SPIDR: variants seen among roughly 807,000 people sequenced by gnomAD.
SPIDR encodes DNA repair-scaffolding protein.
A neutral mutation model predicts 104.6 loss-of-function variants in SPIDR; 93 were observed. The ratio of observed to expected loss-of-function variants is 0.89; its 90% CI spans 0.75 to 1.06. The LOEUF (loss-of-function observed/expected upper bound fraction) is 1.06. Among genes scored for constraint, SPIDR ranks in the 50% least tolerant of loss-of-function variants. SPIDR has a pLI of 0.00. For synonymous variants in SPIDR, 431 were observed against 416.9 expected, an observed-to-expected ratio of 1.03 and a Z score of -0.41; for missense variants, 1,154 against 1,111.2, an observed-to-expected ratio of 1.04 and a Z score of -0.55.
intron 8 of SPIDR, among the ~76,000 whole-genome samples, chr8:47,579,209 G>A (rs1373838981): frequency 1.3e-5 from 2 of 152,166 alleles, no homozygotes; most frequent in African/African-American, 2.4e-5. Context: ...CTGGTGTACT[G>A]ATGCAGGTGT....
chr8:47,291,126 A>T lies in SPIDR; in HGVS notation c.350A>T (p.Gln117Leu). ...TCGGATGAAGATAAGACACTTTCTCAGTTACAGAGAGGTAATGGACATTGC... is the reference window on the plus strand; with the variant it reads ...TCGGATGAAGATAAGACACTTTCTCTGTTACAGAGAGGTAATGGACATTGC... ...DLSDEDKTLS[Q>L]LQRDELQFID... Residue 117 changes from glutamine to leucine, a missense_variant, in exon 4 of 20, where the codon CAG (glutamine) becomes CTG (leucine). Gln to Leu is a moderately radical substitution (Grantham distance 113). Coordinates refer to ENST00000297423, the MANE Select transcript of SPIDR (RefSeq NM_001080394.4). 1 of 1,611,340 alleles carries T rather than the reference A, an allele frequency of 6.2e-7. No individual in the cohort carries two copies. Among genetic ancestry groups the T allele is most frequent in the Non-Finnish European group, 8.5e-7 (1 of 1,178,028 alleles).
chr8:47,551,317 A>G (rs1016881978), intron 8 of SPIDR, among the ~76,000 whole-genome samples: 4 of 152,034 alleles, frequency 2.6e-5, no homozygotes, highest in South Asian at 2.1e-4. Context: ...CTCTTTTTCT[A>G]TTGATGTGAA....
chr8:47,293,804 A>G, intron 4 of SPIDR, 63 bp from the exon 5 acceptor site: 1 of 1,484,694 alleles, frequency 6.7e-7, no homozygotes, highest in Non-Finnish European at 9.2e-7. Flanking sequence ...GCTAAGAATA[A>G]AAGAGATATA....
intron 19 of SPIDR, among the ~76,000 whole-genome samples, chr8:47,733,566 C>T (rs2085634918): frequency 2.0e-5 from 3 of 152,074 alleles, no homozygotes; most frequent in Non-Finnish European, 4.4e-5. Context: ...AACTGAAACT[C>T]TAAGACACCA....
intron 7 of SPIDR, among the ~76,000 whole-genome samples, chr8:47,436,587 A>G (rs978831094): frequency 6.6e-6 from 1 of 152,102 alleles, no homozygotes; most frequent in African/African-American, 2.4e-5. Flanking sequence ...GCTGGATGTT[A>G]TGGTGGTGCG....
At chr8:47,601,421 C>T (rs1293056749) in intron 10 of SPIDR, among the ~76,000 whole-genome samples, 1 of 152,134 alleles carries the variant, frequency 6.6e-6, no homozygotes, top group Non-Finnish European at 1.5e-5. Flanking sequence ...AGAGGCTAGG[C>T]GCGGTGGCTC....
rs2032001269 is a variant in SPIDR, at chr8:47,261,025, T to A, written c.33+34T>A. The A allele has an allele frequency of 3.3e-5, 41 of 1,225,684 alleles. No individual in the cohort carries two copies. In the East Asian group the frequency reaches 1.3e-3, roughly 39 times the overall value. 75.9% of individuals were successfully genotyped at this position (1,225,684 alleles called of 1,614,324 possible). A position where few individuals can be genotyped will look rare whatever the true frequency, so the allele number is the denominator to read the frequency against. On this transcript the variant is annotated intron_variant, in intron 1 of 19. Transcript: ENST00000297423. ...TGGGGCGGGAGTGGGCGCCGCGCCG[T>A]TTCCCGCGTTGCGGGGAAGCGGCGG...
At chr8:47,572,868 G>C (rs912075216) in intron 8 of SPIDR, among the ~76,000 whole-genome samples, 13 of 152,022 alleles carry the variant, frequency 8.6e-5, no homozygotes, top group African/African-American at 3.1e-4. Flanking sequence ...CATGGACCAG[G>C]GGCAGTGCCG....
intron 8 of SPIDR, among the ~76,000 whole-genome samples, chr8:47,487,166 C>A (rs1404024397): frequency 1.7e-5 from 2 of 117,600 alleles, no homozygotes; most frequent in Admixed American, 9.9e-5. Flanking sequence ...ATCTACCAAG[C>A]AAATGGAAAA....
intron 8 of SPIDR, among the ~76,000 whole-genome samples, chr8:47,447,223 T>C (rs1052085360): frequency 6.6e-6 from 1 of 152,204 alleles, no homozygotes; most frequent in Non-Finnish European, 1.5e-5. Flanking sequence ...TGTTTTGTTT[T>C]GTTTTTTTGA....
intron 1 of SPIDR, 145 bp downstream of exon 1, chr8:47,261,136 G>A (rs1261049325): frequency 6.9e-6 from 7 of 1,007,252 alleles, no homozygotes. Context: ...GGTCCCGTCT[G>A]CGCGCGTGGA....
chr8:47,624,933 A>G (rs1248460859), intron 10 of SPIDR, among the ~76,000 whole-genome samples: 2 of 152,164 alleles, frequency 1.3e-5, no homozygotes, highest in Non-Finnish European at 2.9e-5. Context: ...AGACACAACC[A>G]AAAAAGAGAA....
chr8:47,278,921 C>G (rs2037147857), intron 1 of SPIDR, among the ~76,000 whole-genome samples: 1 of 152,042 alleles, frequency 6.6e-6, no homozygotes, highest in Non-Finnish European at 1.5e-5. Context: ...TGGCCTCTCA[C>G]TGTGTTGCCC....
At chr8:47,556,369 T>C (rs2091325697) in intron 8 of SPIDR, among the ~76,000 whole-genome samples, 1 of 152,206 alleles carries the variant, frequency 6.6e-6, no homozygotes, top group African/African-American at 2.4e-5. Flanking sequence ...CTAGAGACAC[T>C]GGGTTTAATC....
At chr8:47,582,744 C>G (rs1264179715) in intron 8 of SPIDR, among the ~76,000 whole-genome samples, 1 of 151,440 alleles carries the variant, frequency 6.6e-6, no homozygotes, top group African/African-American at 2.4e-5. Context: ...TCCTGTAATC[C>G]TAACACTTTC....
chr8:47,358,456 A>C (rs1288766361), intron 5 of SPIDR, among the ~76,000 whole-genome samples: 1 of 152,104 alleles, frequency 6.6e-6, no homozygotes, highest in Non-Finnish European at 1.5e-5. Flanking sequence ...CAAATACCTT[A>C]TGTTAGAAAT....
At chr8:47,426,653 G>T (rs782199518) in intron 7 of SPIDR, among the ~76,000 whole-genome samples, 6 of 152,202 alleles carry the variant, frequency 3.9e-5, no homozygotes, top group Non-Finnish European at 8.8e-5. Context: ...CCACAGACTG[G>T]ATAATTGATA....
intron 5 of SPIDR, among the ~76,000 whole-genome samples, chr8:47,355,144 CAG>C (rs2054274350): frequency 6.6e-6 from 1 of 151,804 alleles, no homozygotes; most frequent in African/African-American, 2.4e-5. Flanking sequence ...TAAGTAAAGA[CAG>C]GGTTTCAGCA....
At chr8:47,356,622 T>C (rs7843373) in intron 5 of SPIDR, among the ~76,000 whole-genome samples, 133 of 152,326 alleles carry the variant, frequency 8.7e-4, no homozygotes, top group Middle Eastern at 3.4e-3. Flanking sequence ...TTAACAAAGC[T>C]GAAGTGTCCC....
Sources: allele counts gnomAD v4.1 joint callset (sites outside exome capture counted in the v4.1 genomes callset), GRCh38; gene constraint gnomAD v4.1.1; transcripts MANE v1.5; gene names NCBI Gene and HGNC (gene_info 2026-07-23, HGNC 2026-07-21).